The following MIPOL1 variants were observed in gnomAD, a reference collection of about 807,000 sequenced individuals.
The protein encoded by MIPOL1 is mirror-image polydactyly gene 1 protein.
Under a neutral mutation model 60.9 loss-of-function variants are expected in MIPOL1, and 57 were observed. The ratio of observed to expected loss-of-function variants is 0.94; its 90% CI spans 0.76 to 1.17. MIPOL1 has a LOEUF of 1.17. MIPOL1 is among the 50% of genes most tolerant of loss of function. The pLI is 0.00. For synonymous variants in MIPOL1, 179 were observed against 168.8 expected (o/e 1.06, Z -0.47); for missense variants, 551 against 511.6 (o/e 1.08, Z -0.74).
chr14:37,330,891 T>G (rs1595174255), intron 9 of MIPOL1, among the ~76,000 whole-genome samples: 1 of 152,244 alleles, frequency 6.6e-6, no homozygotes, highest in South Asian at 2.1e-4. Context: ...ACTTTTGTGT[T>G]CAGGACAGTA....
intron 11 of MIPOL1, among the ~76,000 whole-genome samples, chr14:37,439,040 A>G (rs1009204221): frequency 2.0e-5 from 3 of 152,362 alleles, no homozygotes; most frequent in African/African-American, 7.2e-5. Flanking sequence ...CCTACTGTGT[A>G]CTAAAGACTT....
intron 10 of MIPOL1, among the ~76,000 whole-genome samples, chr14:37,410,673 T>C (rs1304667366): frequency 6.6e-6 from 1 of 152,128 alleles, no homozygotes; most frequent in Non-Finnish European, 1.5e-5. Flanking sequence ...AAAATACATT[T>C]TAAAAATAGC....
At chr14:37,402,349 C>T (rs972377617) in intron 10 of MIPOL1, among the ~76,000 whole-genome samples, 2 of 152,014 alleles carry the variant, frequency 1.3e-5, no homozygotes, top group African/African-American at 2.4e-5. Context: ...CCCCAAAATG[C>T]ATATAAAATT....
intron 12 of MIPOL1, among the ~76,000 whole-genome samples, chr14:37,514,858 C>T (rs2095357209): frequency 6.6e-6 from 1 of 152,072 alleles, no homozygotes. Context: ...TCTTATTTCA[C>T]AGTTGTGCAG....
chr14:37,198,782 T>C (rs921336543), intron 1 of MIPOL1, among the ~76,000 whole-genome samples: 5 of 152,104 alleles, frequency 3.3e-5, no homozygotes, highest in Non-Finnish European at 5.9e-5. Flanking sequence ...TGGTAGTAGA[T>C]AGAAATAAGC....
chr14:37,248,344 A>G (rs542193913), intron 3 of MIPOL1, among the ~76,000 whole-genome samples: 2 of 152,080 alleles, frequency 1.3e-5, no homozygotes, highest in South Asian at 4.1e-4. Context: ...GGAAACACAT[A>G]GAGGCACTGA....
At chr14:37,277,820 A>G (rs1361851123) in intron 6 of MIPOL1, 1 of 151,540 alleles carries the variant, frequency 6.6e-6, no homozygotes, top group East Asian at 1.9e-4. Flanking sequence ...AAAGATATCC[A>G]TTACAGTGTT....
intron 11 of MIPOL1, among the ~76,000 whole-genome samples, chr14:37,482,081 T>C (rs2094879669): frequency 6.6e-6 from 1 of 152,056 alleles, no homozygotes; most frequent in African/African-American, 2.4e-5. Flanking sequence ...ACAGATGAGA[T>C]TACATGAAAC....
intron 9 of MIPOL1, among the ~76,000 whole-genome samples, chr14:37,338,331 C>T (rs187005981): frequency 3.3e-5 from 5 of 151,118 alleles, no homozygotes; most frequent in African/African-American, 9.7e-5. Flanking sequence ...AGGATGGTCT[C>T]GATCTCCTGA....
chr14:37,527,891 T>C (rs1232597683), intron 12 of MIPOL1, among the ~76,000 whole-genome samples: 2 of 152,066 alleles, frequency 1.3e-5, no homozygotes, highest in Non-Finnish European at 2.9e-5. Flanking sequence ...ATGTAGTTTT[T>C]GAGCTTAATT....
At chr14:37,477,323 T>C (rs1297384992) in intron 11 of MIPOL1, among the ~76,000 whole-genome samples, 1 of 152,104 alleles carries the variant, frequency 6.6e-6, no homozygotes, top group Non-Finnish European at 1.5e-5. Flanking sequence ...TCTTAAATAT[T>C]GAGTAGAATT....
chr14:37,232,242 A>G (rs1970749310), intron 1 of MIPOL1, among the ~76,000 whole-genome samples: 2 of 152,318 alleles, frequency 1.3e-5, no homozygotes, highest in South Asian at 4.2e-4. Context: ...AGAAGTTATA[A>G]AAGAAGTTAC....
intron 7 of MIPOL1, among the ~76,000 whole-genome samples, chr14:37,305,308 A>G (rs1036434385): frequency 6.6e-6 from 1 of 151,870 alleles, no homozygotes; most frequent in African/African-American, 2.4e-5. Context: ...CAGTGCATTA[A>G]CATCAAAGAT....
At chr14:37,416,852 TCTTTA>T (rs1440925537) in intron 10 of MIPOL1, among the ~76,000 whole-genome samples, 3 of 152,168 alleles carry the variant, frequency 2.0e-5, no homozygotes, top group Admixed American at 6.5e-5. Context: ...GATTTTATTT[TCTTTA>T]CTTGTTTTGC....
intron 9 of MIPOL1, among the ~76,000 whole-genome samples, chr14:37,353,612 A>C (rs1295740508): frequency 1.3e-5 from 2 of 151,254 alleles, no homozygotes; most frequent in Non-Finnish European, 3.0e-5. Context: ...CAGAGATTCA[A>C]CTTCTTCCTG....
intron 9 of MIPOL1, among the ~76,000 whole-genome samples, chr14:37,357,187 T>G (rs2091904957): frequency 6.6e-6 from 1 of 152,190 alleles, no homozygotes; most frequent in Non-Finnish European, 1.5e-5. Flanking sequence ...CCTCCAAAAT[T>G]TTCTCCATAG....
chr14:37,436,775 C>G (rs926503594), intron 11 of MIPOL1, among the ~76,000 whole-genome samples: 4 of 152,084 alleles, frequency 2.6e-5, no homozygotes, highest in African/African-American at 9.7e-5. Context: ...TCCACCTGGC[C>G]CTATCCCAAA....
At chr14:37,506,511 A>G (rs1393312504) in intron 12 of MIPOL1, 1 of 152,236 alleles carries the variant, frequency 6.6e-6, no homozygotes, top group Admixed American at 6.5e-5. Context: ...AGGATTCCCT[A>G]TTTAATAAAT....
intron 11 of MIPOL1, among the ~76,000 whole-genome samples, chr14:37,493,452 CAG>C (rs2095074109): frequency 6.6e-6 from 1 of 152,088 alleles, no homozygotes; most frequent in South Asian, 2.1e-4. Flanking sequence ...GAAACCAAGA[CAG>C]AAACCACTTC....
Sources: gnomAD v4.1 joint callset for allele counts (sites outside exome capture counted in the v4.1 genomes callset) on GRCh38, gnomAD v4.1.1 for gene constraint, MANE v1.5 for transcripts, NCBI Gene and HGNC (gene_info 2026-07-23, HGNC 2026-07-21) for gene names.